The following DACH2 variants were observed in gnomAD, a reference collection of about 807,000 sequenced individuals.
DACH2 encodes dachshund family transcription factor 2.
In DACH2, 17 loss-of-function variants were observed where a neutral mutation model predicts 35.8. The observed-to-expected ratio is 0.48, with a 90% CI of 0.33 to 0.71. The LOEUF (loss-of-function observed/expected upper bound fraction) is 0.71. Among genes scored for constraint, DACH2 ranks in the 30% least tolerant of loss-of-function variants. The pLI is 0.02. For synonymous variants in DACH2, 195 were observed against 177.3 expected (o/e 1.10, Z -0.79); for missense variants, 469 against 472.7 (o/e 0.99, Z 0.07).
intron 2 of DACH2, among the ~76,000 whole-genome samples, chrX:86,462,047 C>T (rs1211095721): frequency 9.0e-6 from 1 of 111,267 alleles, no homozygotes; most frequent in Non-Finnish European, 1.9e-5. Flanking sequence ...TTAAAGGAGA[C>T]TATCAACAGA....
rs1464622104 is a variant in DACH2 at position 86,148,628 on chromosome X, T to C, written c.8T>C (p.Val3Ala). MA[V>A]SASPVISATS... ...GATAGAGACAGAGTGACCATGGCTG[T>C]CTCCGCATCTCCAGTGATCTCTGCA... Residue 3 changes from valine (V) to alanine (A), a missense_variant, in exon 1 of 12, where the codon GTC becomes GCC. Transcript: ENST00000373125. 6 of 1,165,802 alleles carry C rather than the reference T, an allele frequency of 5.1e-6. No individual in the cohort carries two copies. The East Asian group carries it at 1.6e-4, about 31-fold the overall frequency.
intron 1 of DACH2, among the ~76,000 whole-genome samples, chrX:86,206,142 C>CT (rs1174475149): frequency 9.0e-6 from 1 of 111,253 alleles, no homozygotes; most frequent in Non-Finnish European, 1.9e-5. Context: ...TGATCAGTCC[C>CT]TTGCTAGGAA....
chrX:86,499,205 A>C (rs1403719442), intron 2 of DACH2, among the ~76,000 whole-genome samples: 4 of 112,145 alleles, frequency 3.6e-5, no homozygotes, highest in Admixed American at 2.9e-4. Context: ...CAACTGGTTT[A>C]GCATGCTATT....
chrX:86,376,883 T>TA, intron 2 of DACH2, 21 bp downstream of exon 2: 1 of 697,624 alleles, frequency 1.4e-6, no homozygotes, highest in Non-Finnish European at 2.2e-6. Flanking sequence ...ATTTATTTTT[T>TA]AAAAATCAAA....
chrX:86,603,802 A>C (rs2039822470), intron 3 of DACH2, among the ~76,000 whole-genome samples: 1 of 111,583 alleles, frequency 9.0e-6, no homozygotes, highest in Non-Finnish European at 1.9e-5. Flanking sequence ...AAGTATTCTC[A>C]TTAATACTAG....
intron 7 of DACH2, among the ~76,000 whole-genome samples, chrX:86,810,687 T>A (rs2042386511): frequency 9.0e-6 from 1 of 111,598 alleles, no homozygotes; most frequent in Admixed American, 9.6e-5. Flanking sequence ...TTGAGAAATG[T>A]GCCTTAGAAA....
At chrX:86,267,804 C>T (rs1477474670) in intron 1 of DACH2, among the ~76,000 whole-genome samples, 1 of 111,957 alleles carries the variant, frequency 8.9e-6, no homozygotes, top group Non-Finnish European at 1.9e-5. Flanking sequence ...GGCTTAGTGT[C>T]CCCCCACCCC....
chrX:86,695,082 C>G lies in DACH2; in HGVS notation c.834C>G (p.Pro278=), dbSNP rs146550500. Residue 278 remains proline, a synonymous_variant, in exon 5 of 12, where the codon CCC becomes CCG. Transcript: ENST00000373125. ...KMQSPFAAPG[P]QHGIAHAALA... is the part of the protein sequence containing the mutation. ...AGTCTCCATTTGCTGCACCTGGACC[C>G]CAACATGGAATTGCTCATGCAGCCC... is the stretch of plus-strand genomic sequence containing the variant. The G allele has an allele frequency of 4.4e-4, 504 of 1,148,587 alleles. No homozygotes were observed. Among genetic ancestry groups the G allele is most frequent in the Middle Eastern group, 9.8e-4 (4 of 4,101 alleles). 94.7% of individuals were successfully genotyped at this position (1,148,587 alleles called of 1,213,427 possible).
At chrX:86,528,104 TG>T in intron 3 of DACH2, among the ~76,000 whole-genome samples, 1 of 111,548 alleles carries the variant, frequency 9.0e-6, no homozygotes, top group African/African-American at 3.3e-5. Context: ...TACAGCGTCA[TG>T]GACCTTGATG....
chrX:86,189,051 A>T (rs2078865312), intron 1 of DACH2, among the ~76,000 whole-genome samples: 1 of 112,237 alleles, frequency 8.9e-6, no homozygotes, highest in Admixed American at 9.5e-5. Context: ...GTGACTCAGT[A>T]TTTATATAGA....
intron 1 of DACH2, among the ~76,000 whole-genome samples, chrX:86,325,095 G>GAA (rs34492376): frequency 0.017 from 1,884 of 109,421 alleles, 31 homozygotes; most frequent in African/African-American, 0.056. Context: ...CACTGGGAAA[G>GAA]AAAAAAAATT....
chrX:86,240,879 C>T (rs1020404346), intron 1 of DACH2, among the ~76,000 whole-genome samples: 3 of 111,205 alleles, frequency 2.7e-5, no homozygotes, highest in African/African-American at 9.8e-5. Flanking sequence ...CCTGCTATGC[C>T]ATGGTAAGAC....
intron 1 of DACH2, among the ~76,000 whole-genome samples, chrX:86,263,373 A>G (rs993511577): frequency 9.0e-6 from 1 of 111,425 alleles, no homozygotes; most frequent in Non-Finnish European, 1.9e-5. Flanking sequence ...TTTTGCATTT[A>G]TTTAGATTTA....
intron 3 of DACH2, among the ~76,000 whole-genome samples, chrX:86,550,569 G>A (rs942927631): frequency 5.4e-5 from 6 of 111,143 alleles, no homozygotes; most frequent in African/African-American, 6.5e-5. Flanking sequence ...CATGTCATGA[G>A]GTCCCTGTGC....
chrX:86,747,441 G>A (rs1408093247), intron 7 of DACH2, among the ~76,000 whole-genome samples: 1 of 110,724 alleles, frequency 9.0e-6, no homozygotes, highest in East Asian at 2.8e-4. Flanking sequence ...CCATACCCCA[G>A]AGATATCATG....
chrX:86,645,535 C>A (rs79009398), intron 3 of DACH2, among the ~76,000 whole-genome samples: 2 of 110,619 alleles, frequency 1.8e-5, no homozygotes, highest in African/African-American at 6.6e-5. Flanking sequence ...TTTGACCCAG[C>A]AATGCTATTA....
chrX:86,403,718 C>G (rs1431126554), intron 2 of DACH2, among the ~76,000 whole-genome samples: 1 of 111,833 alleles, frequency 8.9e-6, no homozygotes, highest in Non-Finnish European at 1.9e-5. Context: ...ATAAATCATT[C>G]TGCCAGAAAG....
intron 2 of DACH2, among the ~76,000 whole-genome samples, chrX:86,434,314 A>T (rs2037032501): frequency 9.0e-6 from 1 of 111,677 alleles, no homozygotes; most frequent in Admixed American, 9.6e-5. Flanking sequence ...CCATCCCCTC[A>T]ATCCTTTGTG....
At chrX:86,271,614 A>C (rs1320901691) in intron 1 of DACH2, among the ~76,000 whole-genome samples, 1 of 111,579 alleles carries the variant, frequency 9.0e-6, no homozygotes, top group African/African-American at 3.3e-5. Context: ...TGACGGTAGA[A>C]GCAGTAAGAA....
Sources: allele counts gnomAD v4.1 joint callset (sites outside exome capture counted in the v4.1 genomes callset), GRCh38; gene constraint gnomAD v4.1.1; transcripts MANE v1.5; gene names NCBI Gene and HGNC (gene_info 2026-07-23, HGNC 2026-07-21).